RALGPS2: variants seen among roughly 807,000 people sequenced by gnomAD.
RALGPS2 encodes the protein Ral GEF with PH domain and SH3 binding motif 2.
RALGPS2 carries 43 observed loss-of-function variants against 86.8 expected under a neutral mutation model. The ratio of observed to expected loss-of-function variants is 0.50; its 90% CI spans 0.39 to 0.64. The LOEUF (loss-of-function observed/expected upper bound fraction) is 0.64, where lower values mean the gene tolerates loss of function less well. Ranked by LOEUF, RALGPS2 falls within the 30% of genes least tolerant of loss-of-function variation. The probability of loss-of-function intolerance (pLI) is 0.00; values close to 1 mark genes in which losing one functional copy is unlikely to be tolerated. For missense variants in RALGPS2, 536 were observed against 694.6 expected (o/e 0.77, Z 2.57); for synonymous variants, 243 against 231.3 (o/e 1.05, Z -0.46).
At chr1:178,836,351 A>G (rs1572382740) in intron 8 of RALGPS2, among the ~76,000 whole-genome samples, 1 of 151,982 alleles carries the variant, frequency 6.6e-6, no homozygotes, top group Non-Finnish European at 1.5e-5. Flanking sequence ...CGTATCTTCC[A>G]TTTTTCCCAT....
intron 19 of RALGPS2, among the ~76,000 whole-genome samples, chr1:178,909,271 T>C (rs1660511269): frequency 6.6e-6 from 1 of 152,218 alleles, no homozygotes; most frequent in African/African-American, 2.4e-5. Flanking sequence ...TCCTGTTCCA[T>C]TGGTATCTGT....
chr1:178,799,472 A>G (rs781778997), intron 4 of RALGPS2, among the ~76,000 whole-genome samples: 7 of 152,158 alleles, frequency 4.6e-5, no homozygotes, highest in Non-Finnish European at 1.0e-4. Flanking sequence ...GTTTTGTGCA[A>G]TTGCGGTTGG....
At chr1:178,896,992 G>A (rs1412839741) in intron 16 of RALGPS2, among the ~76,000 whole-genome samples, 1 of 151,804 alleles carries the variant, frequency 6.6e-6, no homozygotes, top group Non-Finnish European at 1.5e-5. Context: ...TGGGATGGCT[G>A]GGTCAAATGG....
At chr1:178,752,379 G>A (rs887214301) in intron 1 of RALGPS2, among the ~76,000 whole-genome samples, 1 of 151,322 alleles carries the variant, frequency 6.6e-6, no homozygotes, top group Non-Finnish European at 1.5e-5. Flanking sequence ...GCCTAGGCTG[G>A]TCTCAAACTC....
At chr1:178,732,843 T>G (rs1650475781) in intron 1 of RALGPS2, among the ~76,000 whole-genome samples, 1 of 152,142 alleles carries the variant, frequency 6.6e-6, no homozygotes, top group Non-Finnish European at 1.5e-5. Context: ...CATTAATAGA[T>G]TATCTCCTGT....
chr1:178,753,079 T>A (rs1469242919), intron 1 of RALGPS2, among the ~76,000 whole-genome samples: 1 of 152,262 alleles, frequency 6.6e-6, no homozygotes, highest in East Asian at 1.9e-4. Context: ...GTACTGTACT[T>A]GAACTACTGG....
intron 18 of RALGPS2, among the ~76,000 whole-genome samples, chr1:178,904,705 T>TG (rs1491568018): frequency 2.6e-5 from 4 of 152,348 alleles, no homozygotes; most frequent in Non-Finnish European, 5.9e-5. Flanking sequence ...CATTGGTCTA[T>TG]GTGCCTATTT....
chr1:178,865,764 T>C (rs764571745), intron 8 of RALGPS2: 17 of 1,582,108 alleles, frequency 1.1e-5, no homozygotes, highest in Non-Finnish European at 1.5e-5. Context: ...AGGGTCCAGG[T>C]AAAAGTCTTC....
At chr1:178,835,246 C>G (rs1481055068) in intron 8 of RALGPS2, among the ~76,000 whole-genome samples, 1 of 152,112 alleles carries the variant, frequency 6.6e-6, no homozygotes, top group African/African-American at 2.4e-5. Flanking sequence ...TCCTCAATTC[C>G]ACAATGACTC....
intron 8 of RALGPS2, among the ~76,000 whole-genome samples, chr1:178,874,276 T>C (rs1170439544): frequency 1.3e-5 from 2 of 152,206 alleles, no homozygotes; most frequent in Non-Finnish European, 2.9e-5. Context: ...TATTAAAATA[T>C]TAACATGTAA....
chr1:178,813,768 C>G (rs1655101450), intron 6 of RALGPS2, among the ~76,000 whole-genome samples: 1 of 152,142 alleles, frequency 6.6e-6, no homozygotes, highest in Non-Finnish European at 1.5e-5. Flanking sequence ...CCAGGAAACA[C>G]CAATTTTCAA....
intron 7 of RALGPS2, among the ~76,000 whole-genome samples, chr1:178,829,648 A>C (rs1246172542): frequency 6.6e-6 from 1 of 152,212 alleles, no homozygotes; most frequent in Non-Finnish European, 1.5e-5. Flanking sequence ...TCTAATGTAC[A>C]GCATGAGGAC....
At chr1:178,770,981 G>A (rs1388428137) in intron 1 of RALGPS2, among the ~76,000 whole-genome samples, 1 of 151,456 alleles carries the variant, frequency 6.6e-6, no homozygotes, top group Non-Finnish European at 1.5e-5. Context: ...TGGGATTACA[G>A]GCGCCGGCCA....
chr1:178,742,884 A>G (rs939442851), intron 1 of RALGPS2, among the ~76,000 whole-genome samples: 1 of 152,242 alleles, frequency 6.6e-6, no homozygotes, highest in African/African-American at 2.4e-5. Flanking sequence ...GGGAAATTAT[A>G]AAGTCTTTTG....
At chr1:178,838,109 C>CTG (rs1656380319) in intron 8 of RALGPS2, among the ~76,000 whole-genome samples, 1 of 152,226 alleles carries the variant, frequency 6.6e-6, no homozygotes, top group Admixed American at 6.5e-5. Flanking sequence ...CAGGGCATAG[C>CTG]TGAACAAAAG....
chr1:178,795,889 T>C (rs1213784389), intron 4 of RALGPS2, among the ~76,000 whole-genome samples: 2 of 152,186 alleles, frequency 1.3e-5, no homozygotes, highest in Non-Finnish European at 1.5e-5. Context: ...TGAAAATTAA[T>C]CATTTGCCTT....
intron 15 of RALGPS2, chr1:178,893,693 A>T (rs1206307977): frequency 2.8e-6 from 1 of 361,506 alleles, no homozygotes; most frequent in African/African-American, 2.1e-5. Context: ...AATATGTAAT[A>T]AAGTGTGTTT....
At chr1:178,858,877 A>G (rs1460644518) in intron 8 of RALGPS2, among the ~76,000 whole-genome samples, 6 of 152,228 alleles carry the variant, frequency 3.9e-5, no homozygotes, top group Non-Finnish European at 7.4e-5. Context: ...AGAGAATTAC[A>G]GATTACAAAG....
intron 1 of RALGPS2, among the ~76,000 whole-genome samples, chr1:178,753,360 C>G (rs543031987): frequency 6.6e-6 from 1 of 152,034 alleles, no homozygotes; most frequent in Admixed American, 6.6e-5. Context: ...GGCCCTGAGA[C>G]AAGTCAAATA....
Sources: gnomAD v4.1 joint callset for allele counts (sites outside exome capture counted in the v4.1 genomes callset) on GRCh38, gnomAD v4.1.1 for gene constraint, MANE v1.5 for transcripts, NCBI Gene and HGNC (gene_info 2026-07-23, HGNC 2026-07-21) for gene names.